The following TRIM5 variants were observed in gnomAD, a reference collection of about 807,000 sequenced individuals.
TRIM5 encodes the protein tripartite motif containing 5.
A neutral mutation model predicts 35.6 loss-of-function variants in TRIM5; 31 were observed. That is an observed-to-expected ratio of 0.87 (90% CI 0.65 to 1.18). The LOEUF is 1.18. Ranked by LOEUF, TRIM5 falls within the 50% of genes most tolerant of loss-of-function variation. TRIM5 has a pLI of 0.00. For synonymous variants in TRIM5, 243 were observed against 215.6 expected (o/e 1.13, Z -1.11); for missense variants, 609 against 591.6 (o/e 1.03, Z -0.31).
At chr11:5,681,627 T>C (rs1852455886) in intron 1 of TRIM5, among the ~76,000 whole-genome samples, 1 of 152,082 alleles carries the variant, frequency 6.6e-6, no homozygotes, top group South Asian at 2.1e-4. Context: ...TGTGGAGGCC[T>C]GGGAGTTCCT....
the TRIM5 span, among the ~76,000 whole-genome samples, chr11:5,658,165 A>G: frequency 1.3e-5 from 2 of 152,182 alleles, no homozygotes; most frequent in African/African-American, 4.8e-5. Context: ...AGGAAGAGAC[A>G]CAAGCAACTG....
the TRIM5 span, among the ~76,000 whole-genome samples, chr11:5,598,097 T>A: frequency 6.6e-6 from 1 of 152,318 alleles, no homozygotes; most frequent in East Asian, 1.9e-4. Context: ...TTTGATGCAC[T>A]GGGCTCTGGG....
the TRIM5 span, among the ~76,000 whole-genome samples, chr11:5,626,242 A>G: frequency 1.3e-5 from 2 of 152,242 alleles, no homozygotes; most frequent in Non-Finnish European, 2.9e-5. Context: ...ATTAGCATCC[A>G]TTTAACATTC....
chr11:5,657,691 TAATA>T, the TRIM5 span, among the ~76,000 whole-genome samples: 4 of 131,148 alleles, frequency 3.0e-5, no homozygotes, highest in Admixed American at 1.8e-4. Flanking sequence ...TATATATTTA[TAATA>T]TAATATATAT....
the TRIM5 span, among the ~76,000 whole-genome samples, chr11:5,638,756 TG>T: frequency 6.6e-6 from 1 of 152,346 alleles, no homozygotes; most frequent in Admixed American, 6.5e-5. Context: ...CTTTGTGGAA[TG>T]TAGTATTGTA....
At chr11:5,606,681 C>T in the TRIM5 span, among the ~76,000 whole-genome samples, 9 of 152,060 alleles carry the variant, frequency 5.9e-5, no homozygotes, top group African/African-American at 2.2e-4. Flanking sequence ...TTCTCCTTCA[C>T]CTTTTGTTCT....
At chr11:5,612,907 A>C in the TRIM5 span, 1 of 152,216 alleles carries the variant, frequency 6.6e-6, no homozygotes, top group Non-Finnish European at 1.5e-5. Context: ...TTGCAATGAT[A>C]ATATGTTGGC....
At chr11:5,627,642 A>C in the TRIM5 span, among the ~76,000 whole-genome samples, 14 of 152,298 alleles carry the variant, frequency 9.2e-5, no homozygotes, top group African/African-American at 3.4e-4. Flanking sequence ...AGAGTCATTA[A>C]TGTGGTATAG....
At chr11:5,644,848 A>C in the TRIM5 span, among the ~76,000 whole-genome samples, 3 of 152,016 alleles carry the variant, frequency 2.0e-5, no homozygotes, top group Non-Finnish European at 4.4e-5. Flanking sequence ...GCCTGGTGGG[A>C]GGTGATTGGA....
chr11:5,668,944 T>A (rs753302740), intron 4 of TRIM5, among the ~76,000 whole-genome samples: 4 of 152,150 alleles, frequency 2.6e-5, no homozygotes, highest in Non-Finnish European at 2.9e-5. Flanking sequence ...AGAATTTTTA[T>A]TATGTAACAC....
At chr11:5,601,975 G>A in the TRIM5 span, among the ~76,000 whole-genome samples, 65 of 152,226 alleles carry the variant, frequency 4.3e-4, no homozygotes, top group African/African-American at 1.5e-3. Flanking sequence ...GATGATCACT[G>A]TAGAGGATGA....
At chr11:5,596,578 T>A in the TRIM5 span, 1 of 56,270 alleles carries the variant, frequency 1.8e-5, no homozygotes, top group Non-Finnish European at 4.2e-5. Context: ...ATCTCCAGCC[T>A]GGCCGCTCCA....
chr11:5,642,819 C>T, the TRIM5 span: 1 of 1,613,988 alleles, frequency 6.2e-7, no homozygotes, highest in Non-Finnish European at 8.5e-7. Context: ...TATTTCAGAA[C>T]TGACAGCTGT....
chr11:5,642,326 A>G, the TRIM5 span: 35 of 1,286,200 alleles, frequency 2.7e-5, no homozygotes, highest in Non-Finnish European at 3.9e-5. Flanking sequence ...CAGTGATGTG[A>G]AGGAGATGAA....
intron 5 of TRIM5, 185 bp from the exon 6 acceptor site, chr11:5,666,266 C>T: frequency 1.5e-6 from 1 of 670,584 alleles, no homozygotes; most frequent in Non-Finnish European, 2.7e-6. Flanking sequence ...TGCCTTCCCA[C>T]TTACTTTCTG....
chr11:5,681,299 C>T (rs4992802), intron 1 of TRIM5, among the ~76,000 whole-genome samples: 4 of 151,978 alleles, frequency 2.6e-5, no homozygotes, highest in African/African-American at 9.7e-5. Flanking sequence ...GGGAAAGAAG[C>T]GAATTTTTAT....
At chr11:5,632,504 T>G in the TRIM5 span, 1 of 1,614,042 alleles carries the variant, frequency 6.2e-7, no homozygotes, top group Non-Finnish European at 8.5e-7. Context: ...AGCTGTCCTG[T>G]GTGTGGTATC....
chr11:5,638,354 C>A, the TRIM5 span, among the ~76,000 whole-genome samples: 1 of 152,172 alleles, frequency 6.6e-6, no homozygotes, highest in Non-Finnish European at 1.5e-5. Context: ...GCTTCCAGAG[C>A]CATCTGTGAC....
At chr11:5,639,707 A>AAAAAAAT in the TRIM5 span, among the ~76,000 whole-genome samples, 3 of 139,912 alleles carry the variant, frequency 2.1e-5, no homozygotes, top group Non-Finnish European at 3.0e-5. Flanking sequence ...AAAAAAAAAA[A>AAAAAAAT]GATTGGAAGA....
Sources: gnomAD v4.1 joint callset for allele counts (sites outside exome capture counted in the v4.1 genomes callset) on GRCh38, gnomAD v4.1.1 for gene constraint, MANE v1.5 for transcripts, NCBI Gene and HGNC (gene_info 2026-07-23, HGNC 2026-07-21) for gene names.